LSAMP: variants seen among roughly 807,000 people sequenced by gnomAD.
LSAMP encodes the protein limbic system-associated membrane protein.
LSAMP carries 7 observed loss-of-function variants against 38.6 expected under a neutral mutation model. The ratio of observed to expected loss-of-function variants is 0.18; its 90% confidence interval spans 0.10 to 0.34. The LOEUF (loss-of-function observed/expected upper bound fraction) is 0.34. LSAMP is among the 10% of genes least tolerant of loss of function. The probability of loss-of-function intolerance (pLI) is 1.00; values close to 1 mark genes in which losing one functional copy is unlikely to be tolerated. For missense variants in LSAMP, 313 were observed against 420.0 expected (o/e 0.75, Z 2.23); for synonymous variants, 154 against 166.8 (o/e 0.92, Z 0.59).
intron 1 of LSAMP, among the ~76,000 whole-genome samples, chr3:116,296,253 G>C (rs147006159): frequency 6.6e-6 from 1 of 152,188 alleles, no homozygotes; most frequent in South Asian, 2.1e-4. Flanking sequence ...AACCCCAAAG[G>C]CTTTATTTTA....
chr3:116,150,648 T>C (rs1207236972), intron 1 of LSAMP, among the ~76,000 whole-genome samples: 2 of 151,916 alleles, frequency 1.3e-5, no homozygotes, highest in Admixed American at 6.6e-5. Flanking sequence ...TGGTAAGTGA[T>C]GCGCAGTGAT....
intron 1 of LSAMP, among the ~76,000 whole-genome samples, chr3:116,257,860 C>A: frequency 6.6e-6 from 1 of 152,032 alleles, no homozygotes; most frequent in Non-Finnish European, 1.5e-5. Context: ...CCTTGTTGCA[C>A]TTCCGTTATT....
intron 1 of LSAMP, among the ~76,000 whole-genome samples, chr3:116,138,170 C>A (rs1709291852): frequency 1.3e-5 from 2 of 152,170 alleles, no homozygotes; most frequent in South Asian, 4.1e-4. Flanking sequence ...TGTAAAGAAT[C>A]AAATTATTCC....
chr3:116,187,935 T>C (rs1710660516), intron 1 of LSAMP, among the ~76,000 whole-genome samples: 2 of 152,046 alleles, frequency 1.3e-5, no homozygotes, highest in South Asian at 4.1e-4. Context: ...CCTGATCCCC[T>C]CTCTCCTCCC....
At chr3:115,862,589 A>C (rs1935738204) in intron 3 of LSAMP, among the ~76,000 whole-genome samples, 1 of 152,206 alleles carries the variant, frequency 6.6e-6, no homozygotes, top group South Asian at 2.1e-4. Flanking sequence ...TGAAGAGAAA[A>C]GAATGGTAAG....
intron 1 of LSAMP, among the ~76,000 whole-genome samples, chr3:116,281,495 G>A (rs778924090): frequency 5.9e-5 from 9 of 152,166 alleles, no homozygotes; most frequent in Admixed American, 3.3e-4. Flanking sequence ...AGATTCAGAC[G>A]TGGTAGTTAG....
At chr3:116,128,645 C>A (rs1709060425) in intron 1 of LSAMP, among the ~76,000 whole-genome samples, 2 of 152,164 alleles carry the variant, frequency 1.3e-5, no homozygotes, top group African/African-American at 4.8e-5. Context: ...CTTCAGTATT[C>A]CAAAGAATGA....
intron 1 of LSAMP, among the ~76,000 whole-genome samples, chr3:116,286,077 G>A (rs1471583622): frequency 6.6e-6 from 1 of 152,196 alleles, no homozygotes; most frequent in African/African-American, 2.4e-5. Flanking sequence ...GTTCACAGTA[G>A]TCCTGGACTA....
intron 3 of LSAMP, among the ~76,000 whole-genome samples, chr3:116,009,634 A>C (rs1467525077): frequency 6.6e-6 from 1 of 152,214 alleles, no homozygotes; most frequent in Non-Finnish European, 1.5e-5. Flanking sequence ...AATATTGGCC[A>C]CAAAAGTTAT....
chr3:116,114,553 C>G (rs989777885), intron 1 of LSAMP, among the ~76,000 whole-genome samples: 9 of 151,848 alleles, frequency 5.9e-5, no homozygotes, highest in African/African-American at 9.7e-5. Context: ...AACCAGAGAG[C>G]CTTGGGTATA....
chr3:115,950,217 C>A (rs1337875243), intron 3 of LSAMP, among the ~76,000 whole-genome samples: 1 of 152,066 alleles, frequency 6.6e-6, no homozygotes, highest in Non-Finnish European at 1.5e-5. Flanking sequence ...CAACATAGTA[C>A]TGGAAGTCCT....
chr3:116,135,804 G>A (rs1709234797), intron 1 of LSAMP, among the ~76,000 whole-genome samples: 1 of 152,192 alleles, frequency 6.6e-6, no homozygotes, highest in Non-Finnish European at 1.5e-5. Context: ...AGTTTCAAAT[G>A]AGATTGAAGA....
At chr3:115,928,062 G>C (rs895660581) in intron 3 of LSAMP, among the ~76,000 whole-genome samples, 1 of 152,122 alleles carries the variant, frequency 6.6e-6, no homozygotes, top group African/African-American at 2.4e-5. Flanking sequence ...CAATCCCCAT[G>C]CACAGAAAAG....
intron 2 of LSAMP, among the ~76,000 whole-genome samples, chr3:116,050,764 A>G (rs1403178613): frequency 6.6e-6 from 1 of 152,220 alleles, no homozygotes; most frequent in Non-Finnish European, 1.5e-5. Context: ...AGTTACTTCT[A>G]AAGGACTTCT....
chr3:115,875,882 C>G (rs1376635016), intron 3 of LSAMP, among the ~76,000 whole-genome samples: 1 of 152,076 alleles, frequency 6.6e-6, no homozygotes, highest in Non-Finnish European at 1.5e-5. Context: ...CAATATTTTT[C>G]TACTGAAATT....
At chr3:116,387,315 A>G (rs1314272915) in intron 1 of LSAMP, among the ~76,000 whole-genome samples, 7 of 152,168 alleles carry the variant, frequency 4.6e-5, no homozygotes, top group Non-Finnish European at 1.0e-4. Context: ...ACTATTTATA[A>G]TGTCCAGCAT....
rs186504812 is a variant in LSAMP at position 116,352,534 on chromosome 3, C to T, written c.155+92343G>A. Among the ~76,000 whole-genome samples the T allele has an allele frequency of 3.9e-5, 6 of 152,052 alleles. No individual in the cohort carries two copies. In the East Asian group the frequency reaches 7.7e-4, roughly 20 times the overall value. ...GAGAAAACTGAGTCTAATGATGGGT[C>T]GTTAAATAAATCTCCTTTGAAGTTT... On this transcript the variant is annotated intron_variant, in intron 1 of 6. Transcript: ENST00000490035.
chr3:116,204,735 G>C (rs1288628251), intron 1 of LSAMP, among the ~76,000 whole-genome samples: 1 of 151,442 alleles, frequency 6.6e-6, no homozygotes, highest in East Asian at 1.9e-4. Context: ...TATTTCTGAG[G>C]GCTCTGTTCT....
At chr3:116,148,192 A>G (rs1044275045) in intron 1 of LSAMP, among the ~76,000 whole-genome samples, 4 of 150,394 alleles carry the variant, frequency 2.7e-5, no homozygotes, top group Admixed American at 2.6e-4. Flanking sequence ...AAATAACAGC[A>G]ACAACAACAG....
Sources: allele counts gnomAD v4.1 joint callset (sites outside exome capture counted in the v4.1 genomes callset), GRCh38; gene constraint gnomAD v4.1.1; transcripts MANE v1.5; gene names NCBI Gene and HGNC (gene_info 2026-07-23, HGNC 2026-07-21).